KCNK10: variants seen among roughly 807,000 people sequenced by gnomAD.
KCNK10 encodes the protein potassium two pore domain channel subfamily K member 10, also known as potassium channel subfamily K member 10.
In KCNK10, 25 loss-of-function variants were observed where a neutral mutation model predicts 47.7. The observed-to-expected ratio is 0.52, with a 90% confidence interval of 0.38 to 0.73. KCNK10 has a LOEUF of 0.73. Among genes scored for constraint, KCNK10 ranks in the 30% least tolerant of loss-of-function variants. KCNK10 has a pLI of 0.00. For missense variants in KCNK10, 563 were observed against 714.5 expected, an observed-to-expected ratio of 0.79 and a Z score of 2.42; for synonymous variants, 303 against 285.6, an observed-to-expected ratio of 1.06 and a Z score of -0.61.
intron 4 of KCNK10, among the ~76,000 whole-genome samples, chr14:88,224,581 T>A (rs1192491225): frequency 6.6e-6 from 1 of 152,222 alleles, no homozygotes; most frequent in African/African-American, 2.4e-5. Flanking sequence ...GATTCAGGCA[T>A]CTTGAAGACC....
At chr14:88,228,936 C>A (rs933044459) in intron 3 of KCNK10, among the ~76,000 whole-genome samples, 1 of 152,066 alleles carries the variant, frequency 6.6e-6, no homozygotes, top group African/African-American at 2.4e-5. Context: ...TGGACAAAAT[C>A]ATTTTTCCAA....
At chr14:88,300,765 A>G (rs144426903) in intron 1 of KCNK10, among the ~76,000 whole-genome samples, 2 of 152,322 alleles carry the variant, frequency 1.3e-5, no homozygotes, top group Non-Finnish European at 2.9e-5. Context: ...CTTTTAAAGA[A>G]CTCACCTATG....
chr14:88,242,090 C>T (rs1290801591), intron 2 of KCNK10, among the ~76,000 whole-genome samples: 1 of 152,164 alleles, frequency 6.6e-6, no homozygotes, highest in East Asian at 1.9e-4. Context: ...CTTGGGCAAA[C>T]CTGGAATAAC....
At chr14:88,323,781 C>T (rs908666541), upstream of KCNK10, 2 of 152,296 alleles carry the variant, frequency 1.3e-5, no homozygotes, top group African/African-American at 4.8e-5. Flanking sequence ...CGCCGCAGAC[C>T]TCGGCCTCCG....
chr14:88,290,386 A>G (rs1887851435), intron 1 of KCNK10, among the ~76,000 whole-genome samples: 1 of 152,178 alleles, frequency 6.6e-6, no homozygotes, highest in Non-Finnish European at 1.5e-5. Flanking sequence ...CCCACTTAGG[A>G]AGTCTAACAT....
intron 1 of KCNK10, among the ~76,000 whole-genome samples, chr14:88,307,545 A>G (rs1888229049): frequency 6.6e-6 from 1 of 152,230 alleles, no homozygotes; most frequent in Non-Finnish European, 1.5e-5. Flanking sequence ...TGATGATTGC[A>G]CAACTCTGTG....
rs1888561250 is a variant in KCNK10 at position 88,322,225 on chromosome 14, C to T, written c.52+522G>A. On this transcript the variant is annotated intron_variant, in intron 1 of 6. Transcript: ENST00000319231. The surrounding 1 kb of genome is among the most constrained non-coding windows in gnomAD (Gnocchi z 4.8). ...ACGAAGACTCAGGAGGCCCTGTGGGCTCCATTATTCTGCATGCCCTGCGAG... is the reference window on the plus strand; with the variant it reads ...ACGAAGACTCAGGAGGCCCTGTGGGTTCCATTATTCTGCATGCCCTGCGAG... Among the ~76,000 whole-genome samples the T allele has an allele frequency of 6.6e-6, 1 of 152,106 alleles. No homozygotes were observed. The highest frequency in any genetic ancestry group is 6.5e-5 in the Admixed American group (1 of 15,272).
chr14:88,267,301 G>T (rs1887287061), intron 1 of KCNK10, among the ~76,000 whole-genome samples: 1 of 152,126 alleles, frequency 6.6e-6, no homozygotes, highest in South Asian at 2.1e-4. Context: ...TGGCAAAGAA[G>T]ACTGCACATC....
At chr14:88,246,005 T>C (rs12588290) in intron 2 of KCNK10, among the ~76,000 whole-genome samples, 74,709 of 151,944 alleles carry the variant, frequency 0.49, 18,697 homozygotes, top group Non-Finnish European at 0.55. Flanking sequence ...GGATTATGAA[T>C]TGGAGATTTA....
chr14:88,284,272 G>A (rs1375494487), intron 1 of KCNK10, among the ~76,000 whole-genome samples: 3 of 152,122 alleles, frequency 2.0e-5, no homozygotes, highest in Non-Finnish European at 4.4e-5. Flanking sequence ...GTCACATTGA[G>A]CATGCACCTG....
intron 4 of KCNK10, among the ~76,000 whole-genome samples, chr14:88,203,018 G>A (rs1303368477): frequency 6.6e-6 from 1 of 152,156 alleles, no homozygotes; most frequent in Non-Finnish European, 1.5e-5. Context: ...CATCAGCGGG[G>A]AGCTTCCATG....
intron 1 of KCNK10, among the ~76,000 whole-genome samples, chr14:88,315,810 G>A (rs188986011): frequency 6.6e-6 from 1 of 152,206 alleles, no homozygotes; most frequent in East Asian, 1.9e-4. Flanking sequence ...GTTGAGTAAG[G>A]GAGAAAGGAC....
intron 1 of KCNK10, among the ~76,000 whole-genome samples, chr14:88,285,206 G>T (rs1334924993): frequency 6.6e-6 from 1 of 152,154 alleles, no homozygotes; most frequent in Non-Finnish European, 1.5e-5. Flanking sequence ...CTGCCTCCCG[G>T]ATTCAAGCGA....
chr14:88,194,535 T>C (rs891407542), intron 4 of KCNK10, among the ~76,000 whole-genome samples: 2 of 152,190 alleles, frequency 1.3e-5, no homozygotes, highest in African/African-American at 4.8e-5. Context: ...AAGATGTGAA[T>C]GTAATTGCAA....
chr14:88,216,441 A>G (rs1265124683), intron 4 of KCNK10, among the ~76,000 whole-genome samples: 1 of 152,220 alleles, frequency 6.6e-6, no homozygotes, highest in Non-Finnish European at 1.5e-5. Context: ...GCGGGCAGTG[A>G]TGATGCTGGC....
chr14:88,211,739 T>C (rs1481137766), intron 4 of KCNK10, among the ~76,000 whole-genome samples: 2 of 151,154 alleles, frequency 1.3e-5, no homozygotes. Context: ...CTACTAAAAA[T>C]ACAAAAATTA....
At chr14:88,254,841 G>C (rs1039445707) in intron 2 of KCNK10, among the ~76,000 whole-genome samples, 1 of 151,996 alleles carries the variant, frequency 6.6e-6, no homozygotes, top group Non-Finnish European at 1.5e-5. Context: ...AGTACTCCAG[G>C]TATAATTATC....
intron 1 of KCNK10, among the ~76,000 whole-genome samples, chr14:88,267,025 G>C (rs1409544649): frequency 1.3e-5 from 2 of 152,192 alleles, no homozygotes; most frequent in African/African-American, 4.8e-5. Flanking sequence ...CAAAGCACCA[G>C]AGCAAAAACC....
At chr14:88,283,990 T>C (rs1344613010) in intron 1 of KCNK10, among the ~76,000 whole-genome samples, 1 of 152,100 alleles carries the variant, frequency 6.6e-6, no homozygotes, top group East Asian at 1.9e-4. Context: ...ATATATTAAA[T>C]ATATATTAAG....
Sources: gnomAD v4.1 joint callset for allele counts (sites outside exome capture counted in the v4.1 genomes callset) on GRCh38, gnomAD v4.1.1 for gene constraint, Gnocchi (gnomAD v3.1) non-coding constraint, MANE v1.5 for transcripts, NCBI Gene and HGNC (gene_info 2026-07-23, HGNC 2026-07-21) for gene names.